LMBR1: variants seen among roughly 807,000 people sequenced by gnomAD.
The protein encoded by LMBR1 is limb region 1 protein homolog.
Under a neutral mutation model 73.9 loss-of-function variants are expected in LMBR1, and 52 were observed. The observed-to-expected ratio is 0.70, with a 90% CI of 0.56 to 0.89. LMBR1 has a LOEUF of 0.89. Ranked by LOEUF, LMBR1 falls within the 40% of genes least tolerant of loss-of-function variation. The pLI is 0.00. For synonymous variants in LMBR1, 215 were observed against 209.4 expected (o/e 1.03, Z -0.23); for missense variants, 539 against 579.8 (o/e 0.93, Z 0.72).
At chr7:156,709,233 C>T (rs928128957) in intron 15 of LMBR1, among the ~76,000 whole-genome samples, 1 of 152,200 alleles carries the variant, frequency 6.6e-6, no homozygotes, top group East Asian at 1.9e-4. Context: ...AAAGTGAGGC[C>T]AACCAACTGG....
chr7:156,874,468 G>A (rs377305417), intron 1 of LMBR1, among the ~76,000 whole-genome samples: 6 of 152,216 alleles, frequency 3.9e-5, no homozygotes, highest in African/African-American at 7.2e-5. Context: ...GCGGGGGGCC[G>A]AAGGGCTCCT....
At chr7:156,754,326 TATC>T (rs1462109904) in intron 9 of LMBR1, among the ~76,000 whole-genome samples, 1 of 152,186 alleles carries the variant, frequency 6.6e-6, no homozygotes, top group African/African-American at 2.4e-5. Flanking sequence ...ACTCTAGTAA[TATC>T]ATAACTACCA....
chr7:156,703,278 A>G (rs910494799), intron 15 of LMBR1, among the ~76,000 whole-genome samples: 4 of 152,210 alleles, frequency 2.6e-5, no homozygotes, highest in African/African-American at 7.2e-5. Flanking sequence ...GGTTTGCAGA[A>G]AAGAGGCTTG....
intron 4 of LMBR1, among the ~76,000 whole-genome samples, chr7:156,802,007 G>T (rs760185817): frequency 6.4e-4 from 97 of 151,604 alleles, no homozygotes; most frequent in Non-Finnish European, 1.1e-3. Flanking sequence ...TTTTCAGATG[G>T]AGTCTCACTC....
chr7:156,797,828 A>G (rs1830304213), intron 4 of LMBR1, among the ~76,000 whole-genome samples: 1 of 152,232 alleles, frequency 6.6e-6, no homozygotes, highest in African/African-American at 2.4e-5. Flanking sequence ...TAACAAATTT[A>G]CAATGTACAT....
At chr7:156,713,311 A>T (rs1381941718) in intron 15 of LMBR1, among the ~76,000 whole-genome samples, 2 of 152,176 alleles carry the variant, frequency 1.3e-5, no homozygotes, top group East Asian at 3.8e-4. Context: ...ATGCCATAAC[A>T]GTGGATATGG....
intron 3 of LMBR1, among the ~76,000 whole-genome samples, chr7:156,831,171 G>A (rs566915414): frequency 1.3e-4 from 20 of 151,906 alleles, no homozygotes; most frequent in Admixed American, 1.3e-4. Flanking sequence ...AATTCAGTGG[G>A]ATATCTGACA....
Position 156,669,485 on chromosome 7 carries a change from G to A in LMBR1, n.867-198C>T, listed in dbSNP as rs924432802. On this transcript the variant is annotated intron_variant and non_coding_transcript_variant, in intron 4 of 4. Coordinates refer to the LMBR1 transcript ENST00000430825. This position sits in a 1 kb window ranked among gnomAD's most constrained non-coding sequence, Gnocchi z 4.2. Reference sequence around the variant, plus strand: ...GTTCCCTGGAACCTCTGTCCAGGCAGAGGGCAGCACGGCTTAGCATGTGGG... The same window carrying A: ...GTTCCCTGGAACCTCTGTCCAGGCAAAGGGCAGCACGGCTTAGCATGTGGG... Among the ~76,000 whole-genome samples the A allele has an allele frequency of 6.6e-6, 1 of 152,188 alleles. No homozygotes were observed. Among genetic ancestry groups the A allele is most frequent in the African/African-American group, 2.4e-5 (1 of 41,448 alleles).
chr7:156,713,568 G>GAA (rs953625664), intron 15 of LMBR1, among the ~76,000 whole-genome samples: 1 of 146,858 alleles, frequency 6.8e-6, no homozygotes, highest in Non-Finnish European at 1.5e-5. Context: ...AATCTGTCTG[G>GAA]AAAAAAAAAA....
intron 15 of LMBR1, among the ~76,000 whole-genome samples, chr7:156,713,891 T>C (rs557804527): frequency 6.6e-6 from 1 of 152,354 alleles, no homozygotes; most frequent in East Asian, 1.9e-4. Context: ...CTCTATATTT[T>C]CTGTATTTGT....
chr7:156,695,076 G>A (rs1403293153), intron 15 of LMBR1, among the ~76,000 whole-genome samples: 2 of 152,222 alleles, frequency 1.3e-5, no homozygotes, highest in African/African-American at 4.8e-5. Context: ...TTGGGAGGCT[G>A]AAACAAGAAA....
chr7:156,798,856 T>G (rs1323259970), intron 4 of LMBR1, among the ~76,000 whole-genome samples: 1 of 152,104 alleles, frequency 6.6e-6, no homozygotes, highest in African/African-American at 2.4e-5. Context: ...GATAGTTTTA[T>G]TCCAATTAAA....
rs891015185 is a variant in LMBR1, at chr7:156,685,828, A to G, written c.1388-1665T>C. ...GGCATCTCAACAACTTACTTGGAAA[A>G]GATTTTTCTCCCTAAAATTTCACAT... is the stretch of plus-strand genomic sequence containing the variant. On this transcript the variant is annotated intron_variant, in intron 16 of 16. Transcript: ENST00000353442. The surrounding 1 kb of genome is among the most constrained non-coding windows in gnomAD (Gnocchi z 4.1). 6.6e-6 allele frequency among the ~76,000 whole-genome samples: 1 copy of G among 152,244 alleles called. No homozygotes were observed. The highest frequency in any genetic ancestry group is 1.5e-5 in the Non-Finnish European group (1 of 68,038).
chr7:156,777,274 T>C (rs1826327890), intron 5 of LMBR1, among the ~76,000 whole-genome samples: 1 of 152,168 alleles, frequency 6.6e-6, no homozygotes, highest in African/African-American at 2.4e-5. Context: ...TTCTTTTTTA[T>C]CTATAATCTC....
intron 5 of LMBR1, among the ~76,000 whole-genome samples, chr7:156,769,963 G>A (rs1481041379): frequency 6.6e-6 from 1 of 152,054 alleles, no homozygotes; most frequent in African/African-American, 2.4e-5. Context: ...GAAAACGCAG[G>A]AATGCTTACG....
chr7:156,724,691 TATCA>T (rs1815326118), intron 14 of LMBR1, among the ~76,000 whole-genome samples: 1 of 152,004 alleles, frequency 6.6e-6, no homozygotes, highest in Non-Finnish European at 1.5e-5. Context: ...GAGTTGAAAA[TATCA>T]ATTAATATTT....
intron 15 of LMBR1, among the ~76,000 whole-genome samples, chr7:156,710,159 C>A (rs1811785891): frequency 8.1e-6 from 1 of 124,108 alleles, no homozygotes; most frequent in Admixed American, 8.2e-5. Context: ...CCTGCCTTGG[C>A]CTCCCAAAGT....
At chr7:156,888,946 C>G (rs996091756) in intron 1 of LMBR1, among the ~76,000 whole-genome samples, 1 of 151,538 alleles carries the variant, frequency 6.6e-6, no homozygotes, top group Non-Finnish European at 1.5e-5. Flanking sequence ...CCCAGCTACT[C>G]GGGAGGCTGA....
downstream of LMBR1, chr7:156,677,011 T>A (rs1489671958): frequency 4.7e-6 from 1 of 212,030 alleles, no homozygotes; most frequent in East Asian, 1.1e-4. Flanking sequence ...CCAAATGTTT[T>A]CCGCTAATAG....
Sources: allele counts gnomAD v4.1 joint callset (sites outside exome capture counted in the v4.1 genomes callset), GRCh38; gene constraint gnomAD v4.1.1; non-coding constraint Gnocchi (gnomAD v3.1); transcripts MANE v1.5; gene names NCBI Gene and HGNC (gene_info 2026-07-23, HGNC 2026-07-21).